Variants in TTN observed in about 807,000 individuals in gnomAD.
The protein encoded by TTN is connectin.
A neutral mutation model predicts 3,223.0 loss-of-function variants in TTN; 1,525 were observed. That is an observed-to-expected ratio of 0.47 (90% confidence interval 0.45 to 0.49). The LOEUF (loss-of-function observed/expected upper bound fraction) is 0.49, where lower values mean the gene tolerates loss of function less well. TTN is among the 20% of genes least tolerant of loss of function. TTN has a pLI of 0.00. For synonymous variants in TTN, 14,094 were observed against 15,161.0 expected, an observed-to-expected ratio of 0.93 and a Z score of 5.17; for missense variants, 40,786 against 43,424.0, an observed-to-expected ratio of 0.94 and a Z score of 5.40.
At position 178,568,804 on chromosome 2, in the gene TTN, T is replaced by C; in HGVS notation, c.77328A>G (p.Glu25776=). ...EYLFRVVAVN[E]KGRSDPRSLA... ...GGGACCGAGGATCACTTCTCCCCTTTTCATTTACAGCAACAACTCTAAAAA... is the reference window on the plus strand; with the variant it reads ...GGGACCGAGGATCACTTCTCCCCTTCTCATTTACAGCAACAACTCTAAAAA... The change falls in exon 326 of 363, where the codon GAA becomes GAG. Residue 25776 remains glutamate (E), a synonymous_variant. Coordinates refer to ENST00000589042, the MANE Select transcript of TTN (RefSeq NM_001267550.2). 6.2e-7 allele frequency: 1 copy of C among 1,613,236 alleles called. No individual in the cohort carries two copies. Among genetic ancestry groups the C allele is most frequent in the South Asian group, 1.1e-5 (1 of 91,054 alleles).
rs933740725 is a variant in TTN at position 178,598,571 on chromosome 2, C to T, written c.57046G>A (p.Gly19016Ser). The T allele has an allele frequency of 6.2e-7, 1 of 1,607,650 alleles. No individual in the cohort carries two copies. The highest frequency in any genetic ancestry group is 1.1e-5 in the South Asian group (1 of 89,076). The change falls in exon 292 of 363, where the codon GGT becomes AGT. Residue 19016 changes from glycine to serine, a missense_variant. Physicochemically the swap from Gly to Ser is moderately conservative, Grantham distance 56. Coordinates refer to ENST00000589042, the MANE Select transcript of TTN (RefSeq NM_001267550.2). The part of the protein sequence containing the change: ...DLEWSPPLKD[G>S]GSKVTGYIVE... The stretch of plus-strand genomic sequence containing the variant: ...ATGTATCCAGTTACTTTGGATCCAC[C>T]ATCTTTTAGTGGGGGAGACCACTCC...
intron 227 of TTN, 29 bp from the exon 228 acceptor site, chr2:178,635,333 A>G: frequency 6.2e-7 from 1 of 1,611,690 alleles, no homozygotes; most frequent in Non-Finnish European, 8.5e-7. Context: ...AAGTAACATA[A>G]TGCTTTAGAC....
chr2:178,601,618 T>G, intron 286 of TTN, 40 bp downstream of exon 286: 2 of 1,581,562 alleles, frequency 1.3e-6, no homozygotes, highest in East Asian at 4.5e-5. Flanking sequence ...TTAAAAATAA[T>G]TTGTTTTTAT....
In TTN at chr2:178,800,663, G is replaced by A; in HGVS notation, c.315C>T (p.Asn105=). 1 of 1,609,680 alleles carries A rather than the reference G, an allele frequency of 6.2e-7. No homozygotes were observed. Among genetic ancestry groups the A allele is most frequent in the Non-Finnish European group, 8.5e-7 (1 of 1,177,664 alleles). ...LLVKAETAPP[N]FVQRLQSMTV... ...TCATGCTCTGCAGTCGTTGAACGAA[G>A]TTGGGTGGTGCTGTCTCAGCTGCGG... is the stretch of plus-strand genomic sequence containing the variant. The change falls in exon 4 of 363, where the codon AAC becomes AAT. Residue 105 remains asparagine, a synonymous_variant. Transcript: ENST00000589042.
In TTN at chr2:178,799,465, GCTCT is replaced by G. The variant is rs778606104; in HGVS notation, c.914+18_914+21del. The G allele has an allele frequency of 5.0e-6, 8 of 1,613,820 alleles. No individual in the cohort carries two copies. The highest frequency in any genetic ancestry group is 1.7e-4 in the Middle Eastern group (1 of 5,954). The stretch of plus-strand genomic sequence containing the variant: ...CTAGTTCCAAAATGTGCAATAATCT[GCTCT>G]CTCTATGGCAGCTTTACCTGACCGG... On this transcript the variant is annotated intron_variant, in intron 6 of 362. Coordinates refer to ENST00000589042, the MANE Select transcript of TTN (RefSeq NM_001267550.2).
chr2:178,744,664 T>C, intron 47 of TTN: 1 of 959,978 alleles, frequency 1.0e-6, no homozygotes, highest in African/African-American at 1.8e-5. Flanking sequence ...AATTACCATA[T>C]TGTCTCAATT....
At chr2:178,581,465 A>G (rs577339867) in intron 316 of TTN, 34 bp downstream of exon 316, 1 of 1,523,398 alleles carries the variant, frequency 6.6e-7, no homozygotes, top group East Asian at 2.3e-5. Flanking sequence ...GATTAATAGG[A>G]AAAGCCTTAT....
Position 178,706,899 on chromosome 2 carries a change from A to G in TTN, c.29097T>C (p.Phe9699=). ...TGATACTCTGAGGTTCTGACACAAA[A>G]AAGAGTCTTCCATCTACCGCAGCTT... is the stretch of plus-strand genomic sequence containing the variant. The part of the protein sequence containing the change: ...TKKAAVDGRL[F]FVSEPQSIRV... Residue 9699 remains phenylalanine, a synonymous_variant, in exon 101 of 363, where the codon TTT becomes TTC. Transcript: ENST00000589042. The G allele has an allele frequency of 6.2e-7, 1 of 1,612,756 alleles. No homozygotes were observed. The highest frequency in any genetic ancestry group is 1.1e-5 in the South Asian group (1 of 90,732).
rs1337863742 is a variant in TTN, at chr2:178,621,107, A to T, written c.45611T>A (p.Val15204Asp). ...GAARAAAHLT[V>D]IEKLRIVVPL... is the part of the protein sequence containing the mutation. ...AAAAGCAAGAACAAACTTACCAATG[A>T]CTGTCAAGTGAGCTGCTGCTCTGGC... The change falls in exon 246 of 363, where the codon GTC becomes GAC. Residue 15204 changes from valine to aspartate, a missense_variant. Val to Asp is a radical substitution (Grantham distance 152, BLOSUM62 -3). Transcript: ENST00000589042. 1 of 1,611,896 alleles carries T rather than the reference A, an allele frequency of 6.2e-7. No homozygotes were observed. Among genetic ancestry groups the T allele is most frequent in the Non-Finnish European group, 8.5e-7 (1 of 1,179,136 alleles).
rs1689071281 is a variant in TTN at position 178,531,430 on chromosome 2, T to G, written c.105185A>C (p.Tyr35062Ser). The change falls in exon 358 of 363, where the codon TAT becomes TCT. Residue 35062 changes from tyrosine to serine, a missense_variant. Coordinates refer to ENST00000589042, the MANE Select transcript of TTN (RefSeq NM_001267550.2). ...TGTTTTCTTAAATGATGAAACAGCA[T>G]ACGCCTCTGTTCTTGTCAGCTCAGG... ...VFPELTRTEA[Y>S]AVSSFKKTSE... The G allele has an allele frequency of 1.2e-6, 2 of 1,613,998 alleles. No individual in the cohort carries two copies.
Position 178,612,410 on chromosome 2 carries a change from G to C in TTN, c.50115C>G (p.Val16705=). Reference sequence around the variant, plus strand: ...GGGTGACTGTGCACTTGGTGTCCTTGACAGTGGTATCCACTGTTTGCCAGC... The same window carrying C: ...GGGTGACTGTGCACTTGGTGTCCTTCACAGTGGTATCCACTGTTTGCCAGC... The part of the protein sequence containing the change: ...RKGWQTVDTT[V]KDTKCTVTPL... Residue 16705 remains valine, a synonymous_variant, in exon 266 of 363, where the codon GTC becomes GTG. Coordinates refer to ENST00000589042, the MANE Select transcript of TTN (RefSeq NM_001267550.2). The C allele has an allele frequency of 1.6e-5, 26 of 1,612,540 alleles. No individual in the cohort carries two copies. The highest frequency in any genetic ancestry group is 2.2e-5 in the Non-Finnish European group (26 of 1,179,220).
chr2:178,528,371 T>C lies in TTN; in HGVS notation c.107280A>G (p.Glu35760=), dbSNP rs2154130921. 1 of 1,613,996 alleles carries C rather than the reference T, an allele frequency of 6.2e-7. No homozygotes were observed. Among genetic ancestry groups the C allele is most frequent in the Non-Finnish European group, 8.5e-7 (1 of 1,179,864 alleles). ...ISRSRNVYSL[E]IRNASVSDSG... ...TGTCGCTGACTGATGCATTTCGGAT[T>C]TCAAGGGAGTATACATTTCTGGAGC... is the stretch of plus-strand genomic sequence containing the variant. Residue 35760 remains glutamate, a synonymous_variant, in exon 361 of 363, where the codon GAA becomes GAG. Transcript: ENST00000589042.
chr2:178,674,085 A>G (rs1240698778), intron 151 of TTN, among the ~76,000 whole-genome samples: 3 of 151,816 alleles, frequency 2.0e-5, no homozygotes, highest in Non-Finnish European at 2.9e-5. Context: ...AAAAAATTCA[A>G]TCGCCAATAA....
At position 178,770,559 on chromosome 2, in the gene TTN, C is replaced by T. The variant is rs1415984785; in HGVS notation, c.8233G>A (p.Val2745Ile). ...VKGVQWIKNG[V>I]VLESNEKYAI... ...TACTTTTCATTGGATTCCAGCACAA[C>T]TCCATTTTTGATCCACTGGACACCT... Residue 2745 changes from valine to isoleucine, a missense_variant, in exon 35 of 363, where the codon GTT becomes ATT. By Grantham distance (29) the Val-to-Ile change is conservative. Coordinates refer to ENST00000589042, the MANE Select transcript of TTN (RefSeq NM_001267550.2). 6.2e-7 allele frequency: 1 copy of T among 1,614,160 alleles called. No homozygotes were observed. Among genetic ancestry groups the T allele is most frequent in the South Asian group, 1.1e-5 (1 of 91,082 alleles).
Position 178,585,282 on chromosome 2 carries a change from C to A in TTN, c.64462G>T (p.Ala21488Ser), listed in dbSNP as rs374992146. Residue 21488 changes from alanine (A) to serine (S), a missense_variant, in exon 309 of 363, where the codon GCC becomes TCC. Coordinates refer to ENST00000589042, the MANE Select transcript of TTN (RefSeq NM_001267550.2). ...IKAGKKLRIE[A>S]HVYGKPHPTC... ...GGATGAGGCTTTCCATACACATGGG[C>A]TTCAATTCGGAGTTTTTTCCCAGCT... The A allele has an allele frequency of 6.2e-7, 1 of 1,612,146 alleles. No individual in the cohort carries two copies. The highest frequency in any genetic ancestry group is 8.5e-7 in the Non-Finnish European group (1 of 1,179,030).
intron 47 of TTN, chr2:178,751,101 C>G: frequency 3.1e-6 from 5 of 1,612,844 alleles, no homozygotes; most frequent in South Asian, 1.1e-5. Flanking sequence ...ACAATACTCT[C>G]AGCTGAATGA....
chr2:178,764,963 C>G, intron 41 of TTN, 152 bp from the exon 42 acceptor site: 1 of 801,024 alleles, frequency 1.2e-6, no homozygotes, highest in Non-Finnish European at 2.0e-6. Flanking sequence ...AATATTAGAA[C>G]ATTCTTTGTG....
rs2742328 is a variant in TTN, at chr2:178,721,236, A to G, written c.22817-34T>C. The G allele has an allele frequency of 0.027, 41,199 of 1,509,586 alleles. 1,325 individuals carry two copies. The highest frequency in any genetic ancestry group is 0.19 in the East Asian group (8,282 of 43,438). The allele number at this position is 1,509,586 out of a possible 1,614,324, so 93.5% of individuals were successfully genotyped here. ...CCAAACAAAACAGTCAGTAAGGGAT[A>G]TTTATTATACATGTTAAAAGAGCTT... On this transcript the variant is annotated intron_variant, in intron 78 of 362. Transcript: ENST00000589042.
Position 178,604,038 on chromosome 2 carries a change from T to C in TTN, c.54649A>G (p.Ser18217Gly), listed in dbSNP as rs201001270. ...CCCACTTTGGTTATTGGTGCTCGGC[T>C]AACACGTGACCAATAAGGACTTCCC... ...EEGSPYWSRV[S>G]RAPITKVGLK... The change falls in exon 282 of 363, where the codon AGC becomes GGC. Residue 18217 changes from serine to glycine, a missense_variant. Ser to Gly is a moderately conservative substitution (Grantham distance 56). Transcript: ENST00000589042. 105 of 1,612,834 alleles carry C rather than the reference T, an allele frequency of 6.5e-5. No individual in the cohort carries two copies. The highest frequency in any genetic ancestry group is 8.6e-5 in the Non-Finnish European group (102 of 1,179,228).
Sources: allele counts gnomAD v4.1 joint callset (sites outside exome capture counted in the v4.1 genomes callset), GRCh38; gene constraint gnomAD v4.1.1; transcripts MANE v1.5; gene names NCBI Gene and HGNC (gene_info 2026-07-23, HGNC 2026-07-21).